ADAMTSL3: variants seen among roughly 807,000 people sequenced by gnomAD.
ADAMTSL3 encodes the protein ADAMTS like 3, also known as ADAMTS-like protein 3.
In ADAMTSL3, 128 loss-of-function variants were observed where a neutral mutation model predicts 201.7. The observed-to-expected ratio is 0.63, with a 90% CI of 0.55 to 0.73. The LOEUF is 0.73. Ranked by LOEUF, ADAMTSL3 falls within the 30% of genes least tolerant of loss-of-function variation. The probability of loss-of-function intolerance (pLI) is 0.00; values close to 1 mark genes in which losing one functional copy is unlikely to be tolerated. For missense variants in ADAMTSL3, 1,990 were observed against 2,119.6 expected (o/e 0.94, Z 1.20); for synonymous variants, 738 against 748.4 (o/e 0.99, Z 0.23).
chr15:83,802,754 C>G (rs1261691215), intron 4 of ADAMTSL3, among the ~76,000 whole-genome samples: 1 of 152,092 alleles, frequency 6.6e-6, no homozygotes, highest in Non-Finnish European at 1.5e-5. Context: ...GGAACTGTTC[C>G]AAATATTGGT....
At chr15:83,951,206 T>C (rs1303160051) in intron 19 of ADAMTSL3, among the ~76,000 whole-genome samples, 1 of 151,768 alleles carries the variant, frequency 6.6e-6, no homozygotes, top group Non-Finnish European at 1.5e-5. Context: ...TACTCCTTTT[T>C]TTTAGGATTT....
intron 25 of ADAMTSL3, among the ~76,000 whole-genome samples, chr15:84,020,170 A>AC (rs1555472565): frequency 6.6e-6 from 1 of 152,160 alleles, no homozygotes; most frequent in African/African-American, 2.4e-5. Context: ...CAATTAAAAA[A>AC]ACACACACAT....
chr15:83,704,489 C>A lies in ADAMTSL3; in HGVS notation c.170C>A (p.Thr57Asn). The A allele has an allele frequency of 1.2e-6, 2 of 1,614,234 alleles. No homozygotes were observed. Among genetic ancestry groups the A allele is most frequent in the Non-Finnish European group, 1.7e-6 (2 of 1,180,030 alleles). Residue 57 changes from threonine to asparagine, a missense_variant, in exon 3 of 30, where the codon ACT becomes AAT. Transcript: ENST00000286744. ...LEDTTGEQFL[T>N]YRYDDQTSRN... ...GACACAACAGGGGAGCAGTTCCTCA[C>A]TTATCGCTATGATGACCAGGTAAGA...
intron 2 of ADAMTSL3, among the ~76,000 whole-genome samples, chr15:83,668,815 T>C (rs75292690): frequency 1.8e-4 from 27 of 152,362 alleles, no homozygotes; most frequent in Admixed American, 7.8e-4. Flanking sequence ...GGGTATTCTC[T>C]TCTTAATGGG....
At position 83,773,693 on chromosome 15, in the gene ADAMTSL3, G is replaced by A. The variant is rs756646788; in HGVS notation, c.317+43G>A. On this transcript the variant is annotated intron_variant, in intron 4 of 29. Transcript: ENST00000286744. ...TTGCTCCTGCATGTGGAATGTGCCA[G>A]TGCCTCTGGATGGGTGGAGAGGAGA... 6.3e-6 allele frequency: 10 copies of A among 1,589,824 alleles called. No individual in the cohort carries two copies. The South Asian group carries it at 1.0e-4, about 17-fold the overall frequency.
At chr15:83,819,164 G>T (rs55825429) in intron 5 of ADAMTSL3, among the ~76,000 whole-genome samples, 5 of 149,018 alleles carry the variant, frequency 3.4e-5, no homozygotes, top group South Asian at 2.1e-4. Context: ...CAGCTACTCA[G>T]GGGGGCTGAA....
intron 27 of ADAMTSL3, among the ~76,000 whole-genome samples, chr15:84,030,913 G>A (rs1029940457): frequency 6.6e-6 from 1 of 152,066 alleles, no homozygotes; most frequent in African/African-American, 2.4e-5. Context: ...TTTATAAAGG[G>A]GGCTCTTCTC....
chr15:83,788,818 TG>T, intron 4 of ADAMTSL3, among the ~76,000 whole-genome samples: 1 of 152,186 alleles, frequency 6.6e-6, no homozygotes, highest in Admixed American at 6.5e-5. Flanking sequence ...TTTTTCTTTT[TG>T]TTTTTTTGAG....
At chr15:83,720,379 A>T (rs1488853742) in intron 3 of ADAMTSL3, among the ~76,000 whole-genome samples, 1 of 152,206 alleles carries the variant, frequency 6.6e-6, no homozygotes, top group Non-Finnish European at 1.5e-5. Context: ...TCTTCCATAG[A>T]TATTTCTTAA....
At chr15:83,833,888 TG>T (rs2064209402) in intron 6 of ADAMTSL3, among the ~76,000 whole-genome samples, 1 of 152,202 alleles carries the variant, frequency 6.6e-6, no homozygotes, top group Non-Finnish European at 1.5e-5. Context: ...AGTTTTGTTT[TG>T]TTTTGTTTTT....
chr15:83,936,480 C>T (rs1299947157), intron 17 of ADAMTSL3, among the ~76,000 whole-genome samples: 2 of 150,882 alleles, frequency 1.3e-5, no homozygotes, highest in Non-Finnish European at 2.9e-5. Flanking sequence ...GAAATCCTTT[C>T]ATCTTGATCA....
intron 23 of ADAMTSL3, among the ~76,000 whole-genome samples, chr15:83,995,870 A>G (rs2067677929): frequency 6.6e-6 from 1 of 152,210 alleles, no homozygotes; most frequent in Non-Finnish European, 1.5e-5. Flanking sequence ...TATCAAATAT[A>G]AAGACTTAGC....
In ADAMTSL3 at chr15:83,780,021, C is replaced by G. The variant is rs542454948; in HGVS notation, c.317+6371C>G. ...CAACATAACATCACAACTAAAAGAA[C>G]TAGAGAACCAAGAGCAAACCAATCC... On this transcript the variant is annotated intron_variant, in intron 4 of 29. Transcript: ENST00000286744. Among the ~76,000 whole-genome samples the G allele has an allele frequency of 1.9e-4, 29 of 151,942 alleles. 2 individuals are homozygous for G. The South Asian group carries it at 4.6e-3, about 24-fold the overall frequency.
chr15:83,890,032 T>C lies in ADAMTSL3; in HGVS notation c.1073-77T>C, dbSNP rs1359409005. 8 of 1,470,948 alleles carry C rather than the reference T, an allele frequency of 5.4e-6. No individual in the cohort carries two copies. In the African/African-American group the frequency reaches 1.0e-4, roughly 18 times the overall value. The allele number at this position is 1,470,948 out of a possible 1,614,324, so 91.1% of individuals were successfully genotyped here. A position where few individuals can be genotyped will look rare whatever the true frequency, so the allele number is the denominator to read the frequency against. On this transcript the variant is annotated intron_variant, in intron 10 of 29. Transcript: ENST00000286744. ...GTTTCTTAAAGAGGAAAAAAAAAAG[T>C]GTGTGGCAAGTGATAACTCTGCCAA...
intron 2 of ADAMTSL3, among the ~76,000 whole-genome samples, chr15:83,676,264 T>C (rs1197780414): frequency 6.6e-6 from 1 of 152,224 alleles, no homozygotes; most frequent in Non-Finnish European, 1.5e-5. Context: ...GAGTTTGCCA[T>C]ACCACAAAAT....
At chr15:83,936,553 TA>T (rs1354847688) in intron 17 of ADAMTSL3, among the ~76,000 whole-genome samples, 7 of 150,908 alleles carry the variant, frequency 4.6e-5, no homozygotes, top group Non-Finnish European at 1.5e-5. Context: ...AGTTATGCTA[TA>T]AAAACCCTGG....
intron 19 of ADAMTSL3, among the ~76,000 whole-genome samples, chr15:83,954,623 C>A (rs750434129): frequency 6.6e-6 from 1 of 152,186 alleles, no homozygotes; most frequent in African/African-American, 2.4e-5. Context: ...TCTTCACAAT[C>A]TGGGCTTTAC....
chr15:83,800,713 C>G (rs1222960416), intron 4 of ADAMTSL3, among the ~76,000 whole-genome samples: 1 of 152,040 alleles, frequency 6.6e-6, no homozygotes, highest in Non-Finnish European at 1.5e-5. Flanking sequence ...TAACCTGTGA[C>G]TCTCTAATTT....
intron 16 of ADAMTSL3, among the ~76,000 whole-genome samples, chr15:83,914,082 G>T (rs1237227328): frequency 6.6e-6 from 1 of 152,214 alleles, no homozygotes; most frequent in African/African-American, 2.4e-5. Context: ...ACATGAAGGA[G>T]ACTGGGTCTG....
Sources: gnomAD v4.1 joint callset for allele counts (sites outside exome capture counted in the v4.1 genomes callset) on GRCh38, gnomAD v4.1.1 for gene constraint, MANE v1.5 for transcripts, NCBI Gene and HGNC (gene_info 2026-07-23, HGNC 2026-07-21) for gene names.